Variants in PAFAH1B2 observed in about 807,000 individuals in gnomAD.
PAFAH1B2 encodes the protein platelet activating factor acetylhydrolase 1b catalytic subunit 2.
PAFAH1B2 carries 8 observed loss-of-function variants against 28.0 expected under a neutral mutation model. The observed-to-expected ratio is 0.29, with a 90% CI of 0.17 to 0.52. The LOEUF is 0.52. Among genes scored for constraint, PAFAH1B2 ranks in the 20% least tolerant of loss-of-function variants. The probability of loss-of-function intolerance (pLI) is 0.97; values close to 1 mark genes in which losing one functional copy is unlikely to be tolerated. For missense variants in PAFAH1B2, 190 were observed against 282.6 expected (o/e 0.67, Z 2.35); for synonymous variants, 104 against 103.2 (o/e 1.01, Z -0.05).
At chr11:117,152,242 G>C (rs538843566) in intron 1 of PAFAH1B2, among the ~76,000 whole-genome samples, 199 bp from the exon 2 acceptor site, 1 of 152,254 alleles carries the variant, frequency 6.6e-6, no homozygotes, top group East Asian at 1.9e-4. Flanking sequence ...GCGGTTTAGT[G>C]GTGCTATCTT....
intron 1 of PAFAH1B2, among the ~76,000 whole-genome samples, chr11:117,145,645 GA>G (rs1446138834): frequency 6.6e-6 from 1 of 152,126 alleles, no homozygotes; most frequent in African/African-American, 2.4e-5. Context: ...TGGACCGGAG[GA>G]ACCACCCACC....
Position 117,167,703 on chromosome 11 carries a change from G to T in PAFAH1B2, c.*4G>T. 6.5e-7 allele frequency: 1 copy of T among 1,532,268 alleles called. No individual in the cohort carries two copies. Among genetic ancestry groups the T allele is most frequent in the Non-Finnish European group, 8.8e-7 (1 of 1,132,796 alleles). 94.9% of individuals were successfully genotyped at this position (1,532,268 alleles called of 1,614,324 possible). On this transcript the variant is annotated 3_prime_UTR_variant, in exon 6 of 6. Transcript: ENST00000527958. ...GAAACAAACCACCATTGCCTGACTG[G>T]CTCTTATCAGTGTTAATAGCATCTC...
rs1956553867 is a variant in PAFAH1B2 at position 117,168,095 on chromosome 11, C to T, written c.*396C>T. The T allele has an allele frequency of 9.5e-7, 1 of 1,056,568 alleles. No homozygotes were observed. Among genetic ancestry groups the T allele is most frequent in the Non-Finnish European group, 1.1e-6 (1 of 873,032 alleles). 65.4% of individuals were successfully genotyped at this position (1,056,568 alleles called of 1,614,324 possible). On this transcript the variant is annotated 3_prime_UTR_variant, in exon 6 of 6. Coordinates refer to ENST00000527958, the MANE Select transcript of PAFAH1B2 (RefSeq NM_002572.4). ...TAATTATCAGAATCATTCTACTTGGCTTTAAAACATGTTTTCTCCAATTTT... is the reference window on the plus strand; with the variant it reads ...TAATTATCAGAATCATTCTACTTGGTTTTAAAACATGTTTTCTCCAATTTT...
downstream of PAFAH1B2, among the ~76,000 whole-genome samples, chr11:117,174,162 TTTTGTGTGTGTG>T (rs1189264878): frequency 1.2e-5 from 1 of 84,830 alleles, no homozygotes; most frequent in Non-Finnish European, 2.9e-5. Context: ...TCTTCATGTC[TTTTGTGTGTGTG>T]TGTGTGTGTG....
chr11:117,165,966 G>A (rs1057334688), intron 5 of PAFAH1B2, among the ~76,000 whole-genome samples: 1 of 152,084 alleles, frequency 6.6e-6, no homozygotes, highest in African/African-American at 2.4e-5. Context: ...CAAATCCCAA[G>A]TAGCTGGAAC....
chr11:117,153,904 G>A (rs1367792241), intron 2 of PAFAH1B2, among the ~76,000 whole-genome samples: 1 of 150,674 alleles, frequency 6.6e-6, no homozygotes, highest in Non-Finnish European at 1.5e-5. Context: ...GATTTCTCCA[G>A]TTGTCCCAAT....
At chr11:117,157,708 C>G (rs750281997) in intron 2 of PAFAH1B2, among the ~76,000 whole-genome samples, 17 of 152,134 alleles carry the variant, frequency 1.1e-4, no homozygotes, top group Non-Finnish European at 2.2e-4. Context: ...AGGAGGGTCA[C>G]TTGAGCCCAG....
chr11:117,159,169 A>C (rs1956316809), intron 2 of PAFAH1B2, among the ~76,000 whole-genome samples: 1 of 152,242 alleles, frequency 6.6e-6, no homozygotes, highest in African/African-American at 2.4e-5. Flanking sequence ...TCTTAATAAA[A>C]GTTTGAGGAA....
intron 1 of PAFAH1B2, among the ~76,000 whole-genome samples, chr11:117,148,435 C>G (rs1159882907): frequency 6.6e-6 from 1 of 152,164 alleles, no homozygotes; most frequent in African/African-American, 2.4e-5. Context: ...GGTTTCAAAT[C>G]CCACCTGTCC....
chr11:117,157,850 T>A (rs1440817229), intron 2 of PAFAH1B2, among the ~76,000 whole-genome samples: 2 of 152,116 alleles, frequency 1.3e-5, no homozygotes, highest in African/African-American at 4.8e-5. Context: ...TATAAAAGTT[T>A]AAACTGGTCT....
downstream of PAFAH1B2, chr11:117,174,847 T>G (rs1324712057): frequency 5.4e-6 from 7 of 1,285,022 alleles, no homozygotes; most frequent in Non-Finnish European, 7.4e-6. Flanking sequence ...ACTCCTGACT[T>G]CAGATGATCC....
chr11:117,165,630 C>T (rs568819439), intron 5 of PAFAH1B2, among the ~76,000 whole-genome samples: 2 of 152,142 alleles, frequency 1.3e-5, no homozygotes, highest in African/African-American at 2.4e-5. Context: ...AAGGTGAAAA[C>T]GTGTTTAACA....
downstream of PAFAH1B2, chr11:117,171,612 A>C: frequency 1.0e-6 from 1 of 1,001,152 alleles, no homozygotes; most frequent in Non-Finnish European, 1.5e-6. Context: ...TATCACCCTT[A>C]CGTCCCCAGG....
intron 1 of PAFAH1B2, among the ~76,000 whole-genome samples, chr11:117,144,808 C>T (rs763612968): frequency 6.6e-6 from 1 of 152,186 alleles, no homozygotes; most frequent in Non-Finnish European, 1.5e-5. Context: ...CCCCAGCTCG[C>T]CCCGGCTGGG....
At chr11:117,156,359 A>G (rs1374308662) in intron 2 of PAFAH1B2, among the ~76,000 whole-genome samples, 1 of 152,224 alleles carries the variant, frequency 6.6e-6, no homozygotes, top group Non-Finnish European at 1.5e-5. Flanking sequence ...TGGAGTTGCC[A>G]GCAGATGTTA....
chr11:117,176,201 A>G (rs1056307890), exon 6 of PAFAH1B2: 6 of 484,818 alleles, frequency 1.2e-5, no homozygotes, highest in African/African-American at 1.2e-4. Context: ...CCATAAGGTT[A>G]TCTTCCAGCT....
chr11:117,144,689 C>T (rs1026329955), intron 1 of PAFAH1B2, among the ~76,000 whole-genome samples: 3 of 152,130 alleles, frequency 2.0e-5, no homozygotes, highest in African/African-American at 7.2e-5. Flanking sequence ...TCTCCTCAGC[C>T]GCCGGCCGGC....
At position 117,144,752 on chromosome 11, in the gene PAFAH1B2, T is replaced by C. The variant is rs1283705632; in HGVS notation, c.-8+334T>C. ...GCGCGGCGGGCGCCCCGCCCCGCCC[T>C]GCCCTGCCCTGCCCTGCCGGGCCCA... On this transcript the variant is annotated intron_variant, in intron 1 of 5. Coordinates refer to ENST00000527958, the MANE Select transcript of PAFAH1B2 (RefSeq NM_002572.4). Among the ~76,000 whole-genome samples the C allele has an allele frequency of 1.7e-3, 245 of 140,270 alleles. 3 individuals are homozygous for C. The highest frequency in any genetic ancestry group is 1.5e-3 in the African/African-American group (59 of 38,744). 92.0% of individuals were successfully genotyped at this position (140,270 alleles called of 152,430 possible). A position where few individuals can be genotyped will look rare whatever the true frequency, so the allele number is the denominator to read the frequency against.
chr11:117,175,253 C>T (rs2029909625), downstream of PAFAH1B2: 2 of 1,083,628 alleles, frequency 1.8e-6, no homozygotes, highest in South Asian at 8.7e-5. Flanking sequence ...GAGGCCCCGA[C>T]ATCTCCCCTG....
Sources: gnomAD v4.1 joint callset for allele counts (sites outside exome capture counted in the v4.1 genomes callset) on GRCh38, gnomAD v4.1.1 for gene constraint, MANE v1.5 for transcripts, NCBI Gene and HGNC (gene_info 2026-07-23, HGNC 2026-07-21) for gene names.